VSTM4: variants seen among roughly 807,000 people sequenced by gnomAD.
VSTM4 encodes V-set and transmembrane domain-containing protein 4.
A neutral mutation model predicts 36.4 loss-of-function variants in VSTM4; 20 were observed. The observed-to-expected ratio is 0.55, with a 90% CI of 0.39 to 0.80. The LOEUF is 0.80. Ranked by LOEUF, VSTM4 falls within the 30% of genes least tolerant of loss-of-function variation. VSTM4 has a pLI of 0.00. For synonymous variants in VSTM4, 182 were observed against 173.9 expected (o/e 1.05, Z -0.37); for missense variants, 392 against 404.5 (o/e 0.97, Z 0.26).
rs576161293 is a variant in VSTM4, at chr10:49,063,079, C to A, written c.668+1624G>T. Among the ~76,000 whole-genome samples the A allele has an allele frequency of 2.0e-5, 3 of 150,400 alleles. No homozygotes were observed. In the South Asian group the frequency reaches 6.3e-4, roughly 32 times the overall value. On this transcript the variant is annotated intron_variant, in intron 5 of 7. Coordinates refer to ENST00000332853, the MANE Select transcript of VSTM4 (RefSeq NM_001031746.5). ...TAAGCCTGCAGGTGGTGCCTCATGCCTGCAATCCCAGCATTTTTGGAGGAT... is the reference window on the plus strand; with the variant it reads ...TAAGCCTGCAGGTGGTGCCTCATGCATGCAATCCCAGCATTTTTGGAGGAT...
intron 2 of VSTM4, among the ~76,000 whole-genome samples, chr10:49,090,539 G>A (rs1485822828): frequency 6.6e-6 from 1 of 152,170 alleles, no homozygotes; most frequent in African/African-American, 2.4e-5. Context: ...ATGATAGGGA[G>A]GAGAAATGAG....
chr10:49,100,625 T>C (rs1844650024), intron 2 of VSTM4, among the ~76,000 whole-genome samples: 2 of 151,630 alleles, frequency 1.3e-5, no homozygotes. Context: ...AACAAGTTCC[T>C]GGATAGGAAC....
chr10:49,057,383 G>A (rs903093380), intron 5 of VSTM4, among the ~76,000 whole-genome samples: 2 of 152,146 alleles, frequency 1.3e-5, no homozygotes, highest in African/African-American at 2.4e-5. Flanking sequence ...ACCAGTCTAC[G>A]ACCACTGTTC....
intron 7 of VSTM4, among the ~76,000 whole-genome samples, chr10:49,027,472 T>C (rs1843280679): frequency 1.3e-5 from 2 of 152,186 alleles, no homozygotes; most frequent in Non-Finnish European, 2.9e-5. Context: ...TTAAATGACA[T>C]GGGGTAAAAT....
intron 2 of VSTM4, 23 bp downstream of exon 2, chr10:49,107,571 C>T: frequency 2.5e-6 from 4 of 1,584,180 alleles, no homozygotes; most frequent in Non-Finnish European, 3.4e-6. Flanking sequence ...ACCACCTCTA[C>T]CCAGGGAGAC....
intron 7 of VSTM4, among the ~76,000 whole-genome samples, chr10:49,033,913 A>G: frequency 6.6e-6 from 1 of 152,016 alleles, no homozygotes; most frequent in Admixed American, 6.6e-5. Context: ...CACCATCATC[A>G]TCACCATCCT....
chr10:49,108,479 C>A (rs1844832129), intron 1 of VSTM4, among the ~76,000 whole-genome samples: 1 of 152,130 alleles, frequency 6.6e-6, no homozygotes, highest in Non-Finnish European at 1.5e-5. Context: ...TGGAGCAGGG[C>A]AGGGTAGGGC....
intron 4 of VSTM4, among the ~76,000 whole-genome samples, chr10:49,075,416 T>G (rs1250043298): frequency 6.6e-6 from 1 of 152,256 alleles, no homozygotes; most frequent in African/African-American, 2.4e-5. Flanking sequence ...TTGTCCACCA[T>G]GTGCTGAGCA....
intron 2 of VSTM4, among the ~76,000 whole-genome samples, chr10:49,089,328 T>C (rs1199030388): frequency 6.6e-6 from 1 of 152,148 alleles, no homozygotes; most frequent in Admixed American, 6.5e-5. Context: ...CCCGCCAACC[T>C]CAGAATGGCC....
At chr10:49,060,402 G>T (rs1042773402) in intron 5 of VSTM4, among the ~76,000 whole-genome samples, 1 of 152,118 alleles carries the variant, frequency 6.6e-6, no homozygotes, top group Non-Finnish European at 1.5e-5. Flanking sequence ...ATTGTAATGG[G>T]GGTATAGTGA....
chr10:49,019,909 G>C, intron 7 of VSTM4, 134 bp from the exon 8 acceptor site: 1 of 1,157,424 alleles, frequency 8.6e-7, no homozygotes, highest in Non-Finnish European at 1.2e-6. Flanking sequence ...AGAAATTTAA[G>C]AGGCTACATA....
chr10:49,015,454 G>C lies in VSTM4; in HGVS notation c.*4196C>G, dbSNP rs188491358. ...CATTTTAACAAGATCTCGATGATTT[G>C]TGCATGCATTAAAGGTTGAGAAAGC... On this transcript the variant is annotated 3_prime_UTR_variant, in exon 8 of 8. Coordinates refer to ENST00000332853, the MANE Select transcript of VSTM4 (RefSeq NM_001031746.5). 2.6e-4 allele frequency: 39 copies of C among 152,300 alleles called. No individual in the cohort carries two copies. Among genetic ancestry groups the C allele is most frequent in the African/African-American group, 9.1e-4 (38 of 41,560 alleles). 9.4% of individuals were successfully genotyped at this position (152,300 alleles called of 1,614,324 possible).
intron 2 of VSTM4, among the ~76,000 whole-genome samples, chr10:49,093,780 C>G (rs935075028): frequency 1.7e-5 from 2 of 118,916 alleles, no homozygotes; most frequent in Admixed American, 1.1e-4. Flanking sequence ...TGGAGTCTTG[C>G]TTCGTCGCCC....
chr10:49,114,618 T>C (rs959104867), intron 1 of VSTM4, among the ~76,000 whole-genome samples: 3 of 150,726 alleles, frequency 2.0e-5, no homozygotes, highest in African/African-American at 7.4e-5. Flanking sequence ...TATATAAACG[T>C]GTTGTAGTCA....
chr10:49,022,886 T>C (rs1046620394), intron 7 of VSTM4, among the ~76,000 whole-genome samples: 1 of 152,196 alleles, frequency 6.6e-6, no homozygotes, highest in African/African-American at 2.4e-5. Flanking sequence ...TACGTTTGGA[T>C]ATGAAAAATA....
chr10:49,080,761 G>A (rs1422429961), intron 3 of VSTM4, among the ~76,000 whole-genome samples: 1 of 152,208 alleles, frequency 6.6e-6, no homozygotes, highest in Non-Finnish European at 1.5e-5. Flanking sequence ...ACTCTGTTTT[G>A]CTCCTAGGAA....
chr10:49,107,796 C>T lies in VSTM4; in HGVS notation c.255G>A (p.Gln85=). 5.6e-6 allele frequency: 9 copies of T among 1,614,276 alleles called. No individual in the cohort carries two copies. Among genetic ancestry groups the T allele is most frequent in the East Asian group, 2.2e-5 (1 of 44,892 alleles). The change falls in exon 2 of 8, where the codon CAG becomes CAA. Residue 85 remains glutamine, a synonymous_variant. Coordinates refer to ENST00000332853, the MANE Select transcript of VSTM4 (RefSeq NM_001031746.5). ...CGCTGCGGCTGAAATTCCCATAGTA[C>T]TGCACCACCCGGAGCTTGGTCATCT... ...MVKMTKLRVV[Q]YYGNFSRSAK...
At chr10:49,041,622 C>T (rs556062717) in intron 7 of VSTM4, among the ~76,000 whole-genome samples, 10 of 152,242 alleles carry the variant, frequency 6.6e-5, no homozygotes, top group African/African-American at 2.4e-4. Flanking sequence ...CTTAAGATAG[C>T]ATTTTGCACC....
intron 4 of VSTM4, among the ~76,000 whole-genome samples, chr10:49,071,957 G>C (rs1288754657): frequency 1.3e-5 from 2 of 152,230 alleles, no homozygotes; most frequent in African/African-American, 2.4e-5. Context: ...GTTCTCAGTA[G>C]TGTATAGATG....
Sources: gnomAD v4.1 joint callset for allele counts (sites outside exome capture counted in the v4.1 genomes callset) on GRCh38, gnomAD v4.1.1 for gene constraint, MANE v1.5 for transcripts, NCBI Gene and HGNC (gene_info 2026-07-23, HGNC 2026-07-21) for gene names.